Variants in PLAGL1 observed in about 807,000 individuals in gnomAD.
PLAGL1 encodes the protein PLAG1 like zinc finger 1, also known as zinc finger protein PLAGL1.
In PLAGL1, 1 loss-of-function variant was observed where a neutral mutation model predicts 4.6. That is an observed-to-expected ratio of 0.22 (90% CI 0.08 to 1.03). PLAGL1 has a LOEUF of 1.03. PLAGL1 is among the 50% of genes least tolerant of loss of function. PLAGL1 has a pLI of 0.58. For missense variants in PLAGL1, 464 were observed against 570.4 expected (o/e 0.81, Z 1.90); for synonymous variants, 240 against 237.8 (o/e 1.01, Z -0.08).
rs1780116155 is a variant in PLAGL1 at position 143,947,871 on chromosome 6, G to A, written c.152+114C>T. Reference sequence around the variant, plus strand: ...TGCAGATTTCAAGAATCCCTCAAAGGCTAAAATGCATCCATATCCTGTGTC... The same window carrying A: ...TGCAGATTTCAAGAATCCCTCAAAGACTAAAATGCATCCATATCCTGTGTC... On this transcript the variant is annotated intron_variant, in intron 7 of 7. Transcript: ENST00000674357. The surrounding 1 kb of genome is among the most constrained non-coding windows in gnomAD (Gnocchi z 4.3). The A allele has an allele frequency of 3.8e-6, 3 of 795,318 alleles. No individual in the cohort carries two copies. Among genetic ancestry groups the A allele is most frequent in the Admixed American group, 2.6e-5 (1 of 38,382 alleles). The allele number at this position is 795,318 out of a possible 1,614,324, so 49.3% of individuals were successfully genotyped here.
Position 144,021,936 on chromosome 6 carries a change from AT to A in PLAGL1, c.-151+42531del, listed in dbSNP as rs201110318. Among the ~76,000 whole-genome samples the A allele has an allele frequency of 9.6e-3, 1,461 of 152,318 alleles. 10 individuals carry two copies. Among genetic ancestry groups the A allele is most frequent in the Middle Eastern group, 0.024 (7 of 294 alleles). ...CTCTGGGAAGTAACTTAATATTCCT[AT>A]TTTATAGATGAGGCAACCCAGAAAG... On this transcript the variant is annotated intron_variant, in intron 1 of 3. Coordinates refer to the PLAGL1 transcript ENST00000437412.
Position 143,950,555 on chromosome 6 carries a change from A to T in PLAGL1, c.-324-2095T>A, listed in dbSNP as rs1198755421. ...GCTCTGTGTTCTTTCTAGGTTTATTAAAAAAGACTAACACACACAGAGTAT... is the reference window on the plus strand; with the variant it reads ...GCTCTGTGTTCTTTCTAGGTTTATTTAAAAAGACTAACACACACAGAGTAT... On this transcript the variant is annotated intron_variant, in intron 6 of 7. Transcript: ENST00000674357. This position sits in a 1 kb window ranked among gnomAD's most constrained non-coding sequence, Gnocchi z 6.3. 6.6e-6 allele frequency among the ~76,000 whole-genome samples: 1 copy of T among 152,208 alleles called. No homozygotes were observed. The highest frequency in any genetic ancestry group is 1.5e-5 in the Non-Finnish European group (1 of 68,034).
At chr6:143,944,022 C>A (rs2128508246) in intron 7 of PLAGL1, among the ~76,000 whole-genome samples, 1 of 152,200 alleles carries the variant, frequency 6.6e-6, no homozygotes, top group South Asian at 2.1e-4. Context: ...GAAACAGAAT[C>A]CTTCATTACA....
intron 1 of PLAGL1, among the ~76,000 whole-genome samples, chr6:143,996,948 TGAGG>T (rs1791751771): frequency 6.6e-6 from 1 of 152,168 alleles, no homozygotes; most frequent in Non-Finnish European, 1.5e-5. Context: ...TCTTCATGAT[TGAGG>T]GATAGACAAA....
In PLAGL1 at chr6:144,048,720, T is replaced by C. The variant is rs937099558; in HGVS notation, c.-151+15748A>G. Among the ~76,000 whole-genome samples, 1 of 152,190 alleles carries C rather than the reference T, an allele frequency of 6.6e-6. No homozygotes were observed. The highest frequency in any genetic ancestry group is 1.5e-5 in the Non-Finnish European group (1 of 68,024). ...TCCCACTAGGCCTCCAGGTCTGTTA[T>C]GGGAGGGGCTGCCAAGAAGGTCTCT... On this transcript the variant is annotated intron_variant, in intron 1 of 3. Coordinates refer to the PLAGL1 transcript ENST00000437412. The surrounding 1 kb of genome is among the most constrained non-coding windows in gnomAD (Gnocchi z 4.8).
chr6:144,017,538 A>G (rs560885713), intron 1 of PLAGL1, among the ~76,000 whole-genome samples: 1 of 152,368 alleles, frequency 6.6e-6, no homozygotes, highest in African/African-American at 2.4e-5. Flanking sequence ...TTTACGTGAT[A>G]AAGTTTTTCC....
chr6:143,974,383 C>T (rs1443282925), intron 2 of PLAGL1, among the ~76,000 whole-genome samples: 1 of 151,190 alleles, frequency 6.6e-6, no homozygotes, highest in Non-Finnish European at 1.5e-5. Context: ...GTACTGATCT[C>T]GGTGGTGGGG....
At chr6:144,026,860 T>A (rs1195824909) in intron 1 of PLAGL1, among the ~76,000 whole-genome samples, 3 of 152,184 alleles carry the variant, frequency 2.0e-5, no homozygotes, top group Admixed American at 2.0e-4. Flanking sequence ...AATTTCAGGT[T>A]GGATCAGTTT....
chr6:143,988,280 T>G (rs1789653902), intron 1 of PLAGL1, among the ~76,000 whole-genome samples: 1 of 152,240 alleles, frequency 6.6e-6, no homozygotes, highest in Non-Finnish European at 1.5e-5. Flanking sequence ...AACATTTATG[T>G]TTATGTCACT....
intron 1 of PLAGL1, among the ~76,000 whole-genome samples, chr6:144,046,565 G>A (rs768155028): frequency 2.0e-5 from 3 of 152,128 alleles, no homozygotes; most frequent in East Asian, 1.9e-4. Flanking sequence ...TGGAAGCTTC[G>A]TCTCAGAGGG....
At position 144,013,434 on chromosome 6, in the gene PLAGL1, A is replaced by G. The variant is rs1795333383; in HGVS notation, c.-150-44456T>C. ...TACACCCCATCCTGAAAAAAATGACAACTAGGAATGGAATGGAACTTCCTT... is the reference window on the plus strand; with the variant it reads ...TACACCCCATCCTGAAAAAAATGACGACTAGGAATGGAATGGAACTTCCTT... On this transcript the variant is annotated intron_variant, in intron 1 of 3. Coordinates refer to the PLAGL1 transcript ENST00000437412. This position sits in a 1 kb window ranked among gnomAD's most constrained non-coding sequence, Gnocchi z 4.4. 6.6e-6 allele frequency among the ~76,000 whole-genome samples: 1 copy of G among 152,222 alleles called. No homozygotes were observed.
rs1798348435 is a variant in PLAGL1 at position 144,048,576 on chromosome 6, A to C, written c.-151+15892T>G. 6.6e-6 allele frequency among the ~76,000 whole-genome samples: 1 copy of C among 152,226 alleles called. No individual in the cohort carries two copies. Among genetic ancestry groups the C allele is most frequent in the South Asian group, 2.1e-4 (1 of 4,834 alleles). On this transcript the variant is annotated intron_variant, in intron 1 of 3. Transcript: ENST00000437412. The surrounding 1 kb of genome is among the most constrained non-coding windows in gnomAD (Gnocchi z 4.8). ...AAGGCTTACAGCTTGCAGTCTCTGA[A>C]GCAATGGCTTGAGCTGTATGTTGGC... is the stretch of plus-strand genomic sequence containing the variant.
At chr6:144,051,577 A>T (rs908662244) in intron 1 of PLAGL1, among the ~76,000 whole-genome samples, 2 of 152,252 alleles carry the variant, frequency 1.3e-5, no homozygotes, top group Non-Finnish European at 2.9e-5. Context: ...AAGTTCAAAC[A>T]TATTGTATTA....
At chr6:144,032,821 G>A (rs1796929843) in intron 1 of PLAGL1, among the ~76,000 whole-genome samples, 1 of 152,138 alleles carries the variant, frequency 6.6e-6, no homozygotes, top group South Asian at 2.1e-4. Flanking sequence ...GGGATTACAG[G>A]CATGAACCAC....
rs1782956860 is a variant in PLAGL1 at position 143,959,733 on chromosome 6, G to GAAAA, written c.-325+735_-325+736insTTTT. Among the ~76,000 whole-genome samples, 1 of 152,172 alleles carries GAAAA rather than the reference G, an allele frequency of 6.6e-6. No individual in the cohort carries two copies. Among genetic ancestry groups the GAAAA allele is most frequent in the Non-Finnish European group, 1.5e-5 (1 of 68,030 alleles). ...TTTAAGTTTACTGCCCATCAGCATGGACTAATGACATACTGCAAGTAATAC... is the reference window on the plus strand; with the variant it reads ...TTTAAGTTTACTGCCCATCAGCATGGAAAAACTAATGACATACTGCAAGTAATAC... On this transcript the variant is annotated intron_variant, in intron 6 of 7. Coordinates refer to ENST00000674357, the MANE Select transcript of PLAGL1 (RefSeq NM_001317162.2). This position sits in a 1 kb window ranked among gnomAD's most constrained non-coding sequence, Gnocchi z 5.3.
chr6:144,059,382 C>T lies in PLAGL1; in HGVS notation c.-151+5086G>A, dbSNP rs1185188322. ...TCTGGGCCTACAATGTGACTCAGACCTACAGGTCTTGCTAAGGTTCCTCCA... is the reference window on the plus strand; with the variant it reads ...TCTGGGCCTACAATGTGACTCAGACTTACAGGTCTTGCTAAGGTTCCTCCA... On this transcript the variant is annotated intron_variant, in intron 1 of 3. Coordinates refer to the PLAGL1 transcript ENST00000437412. This position sits in a 1 kb window ranked among gnomAD's most constrained non-coding sequence, Gnocchi z 4.9. Among the ~76,000 whole-genome samples the T allele has an allele frequency of 6.6e-6, 1 of 152,186 alleles. No homozygotes were observed. The highest frequency in any genetic ancestry group is 1.5e-5 in the Non-Finnish European group (1 of 68,032).
rs752733300 is a variant in PLAGL1, at chr6:144,027,292, A to AAAGAAAGT, written c.-151+37175_-151+37176insACTTTCTT. ...GAAAGAAAGAAAGAAAGAAAGAAAG[A>AAAGAAAGT]AAGTTATTTGATCTGAAGTACAATG... is the stretch of plus-strand genomic sequence containing the variant. On this transcript the variant is annotated intron_variant, in intron 1 of 3. Coordinates refer to the PLAGL1 transcript ENST00000437412. This position sits in a 1 kb window ranked among gnomAD's most constrained non-coding sequence, Gnocchi z 5.8. Among the ~76,000 whole-genome samples the AAAGAAAGT allele has an allele frequency of 1.7e-3, 244 of 142,528 alleles. 2 individuals are homozygous for AAAGAAAGT. Among genetic ancestry groups the AAAGAAAGT allele is most frequent in the African/African-American group, 5.8e-3 (221 of 38,304 alleles). The allele number at this position is 142,528 out of a possible 152,430, so 93.5% of individuals were successfully genotyped here.
chr6:143,967,773 A>G (rs1278595134), intron 3 of PLAGL1: 1 of 152,100 alleles, frequency 6.6e-6, no homozygotes, highest in Non-Finnish European at 1.5e-5. Context: ...GGAGAACAGG[A>G]ATCCAAGCAC....
chr6:144,017,341 T>C (rs955994074), intron 1 of PLAGL1, among the ~76,000 whole-genome samples: 1 of 151,768 alleles, frequency 6.6e-6, no homozygotes, highest in Non-Finnish European at 1.5e-5. Context: ...TCCCTCCTCT[T>C]GCCACTATTT....
Sources: allele counts gnomAD v4.1 joint callset (sites outside exome capture counted in the v4.1 genomes callset), GRCh38; gene constraint gnomAD v4.1.1; non-coding constraint Gnocchi (gnomAD v3.1); transcripts MANE v1.5; gene names NCBI Gene and HGNC (gene_info 2026-07-23, HGNC 2026-07-21).